The following RBFOX1 variants were observed in gnomAD, a reference collection of about 807,000 sequenced individuals.
The protein encoded by RBFOX1 is RNA binding fox-1 homolog 1, also known as RNA binding protein fox-1 homolog 1.
In RBFOX1, 8 loss-of-function variants were observed where a neutral mutation model predicts 57.7. The observed-to-expected ratio is 0.14, with a 90% CI of 0.08 to 0.25. The LOEUF (loss-of-function observed/expected upper bound fraction) is 0.25. RBFOX1 is among the 10% of genes least tolerant of loss of function. The pLI is 1.00. For synonymous variants in RBFOX1, 326 were observed against 222.4 expected, an observed-to-expected ratio of 1.47 and a Z score of -4.15; for missense variants, 611 against 548.5, an observed-to-expected ratio of 1.11 and a Z score of -1.14.
At position 7,054,825 on chromosome 16, in the gene RBFOX1, A is replaced by G. The variant is rs565715470; in HGVS notation, c.27+2727A>G. Among the ~76,000 whole-genome samples the G allele has an allele frequency of 4.6e-5, 7 of 152,312 alleles. No homozygotes were observed. The East Asian group carries it at 1.2e-3, about 25-fold the overall frequency. Reference sequence around the variant, plus strand: ...GTTATCATGTCGAGGGTCCTTCATTAGTGCATTCTGTTGTCAGAATTCAGG... The same window carrying G: ...GTTATCATGTCGAGGGTCCTTCATTGGTGCATTCTGTTGTCAGAATTCAGG... On this transcript the variant is annotated intron_variant, in intron 4 of 15. Transcript: ENST00000550418.
At chr16:5,816,911 T>A (rs781317404) in intron 3 of RBFOX1, among the ~76,000 whole-genome samples, 1 of 152,240 alleles carries the variant, frequency 6.6e-6, no homozygotes, top group Non-Finnish European at 1.5e-5. Flanking sequence ...ATGGAGTACC[T>A]GAGATGTGTT....
chr16:5,979,029 C>T (rs1352424048), intron 4 of RBFOX1, among the ~76,000 whole-genome samples: 1 of 152,192 alleles, frequency 6.6e-6, no homozygotes, highest in Admixed American at 6.5e-5. Context: ...CTCTCGCCTT[C>T]TCCTCCATTT....
At chr16:7,199,261 T>C (rs577548837) in intron 4 of RBFOX1, among the ~76,000 whole-genome samples, 1 of 152,306 alleles carries the variant, frequency 6.6e-6, no homozygotes, top group South Asian at 2.1e-4. Context: ...TCCTTCAGTG[T>C]GATAATAAAT....
intron 9 of RBFOX1, among the ~76,000 whole-genome samples, chr16:7,606,666 C>T (rs909460650): frequency 3.9e-5 from 6 of 152,154 alleles, no homozygotes; most frequent in African/African-American, 1.4e-4. Flanking sequence ...TTCCATTAAT[C>T]ATATATACAG....
intron 3 of RBFOX1, among the ~76,000 whole-genome samples, chr16:5,790,128 G>C (rs1432010653): frequency 6.6e-6 from 1 of 152,322 alleles, no homozygotes; most frequent in South Asian, 2.1e-4. Context: ...GACCTCCAAG[G>C]GAAAAGAGTG....
chr16:6,612,857 A>AC, intron 2 of RBFOX1, among the ~76,000 whole-genome samples: 1 of 55,066 alleles, frequency 1.8e-5, no homozygotes, highest in Non-Finnish European at 3.8e-5. Flanking sequence ...CTCAAAAAAA[A>AC]AAAAAAAATA....
intron 3 of RBFOX1, among the ~76,000 whole-genome samples, chr16:5,700,349 A>G (rs891989795): frequency 6.6e-6 from 1 of 151,666 alleles, no homozygotes; most frequent in African/African-American, 2.4e-5. Context: ...TTCTATATCT[A>G]AAAATATCTT....
At chr16:6,453,047 C>T (rs2094672733) in intron 2 of RBFOX1, among the ~76,000 whole-genome samples, 1 of 152,100 alleles carries the variant, frequency 6.6e-6, no homozygotes, top group African/African-American at 2.4e-5. Flanking sequence ...CCTCTTATTC[C>T]ACAGGTATGT....
intron 3 of RBFOX1, among the ~76,000 whole-genome samples, chr16:5,765,544 G>A (rs1325835917): frequency 6.6e-6 from 1 of 152,166 alleles, no homozygotes; most frequent in Non-Finnish European, 1.5e-5. Flanking sequence ...TGAATACCTA[G>A]TGCCAGACAC....
At chr16:5,849,829 A>G (rs574427103) in intron 3 of RBFOX1, among the ~76,000 whole-genome samples, 3 of 152,248 alleles carry the variant, frequency 2.0e-5, no homozygotes, top group Admixed American at 6.5e-5. Flanking sequence ...TTTGTTCCCA[A>G]GAAGTATTCT....
chr16:6,710,814 T>A (rs1027471400), intron 3 of RBFOX1, among the ~76,000 whole-genome samples: 3 of 152,340 alleles, frequency 2.0e-5, no homozygotes, highest in Middle Eastern at 3.4e-3. Context: ...AGAGATCCTC[T>A]TCCCCTGTAA....
intron 4 of RBFOX1, among the ~76,000 whole-genome samples, chr16:7,062,296 A>T (rs6500911): frequency 3.7e-5 from 5 of 135,576 alleles, no homozygotes; most frequent in East Asian, 2.2e-4. Context: ...CCAGTCTGAG[A>T]GACAGAGTGA....
Position 7,526,252 on chromosome 16 carries a change from G to A in RBFOX1, c.270+7863G>A, listed in dbSNP as rs568236315. 2.6e-5 allele frequency among the ~76,000 whole-genome samples: 4 copies of A among 152,220 alleles called. 1 individual carries two copies. Among genetic ancestry groups the A allele is most frequent in the African/African-American group, 9.6e-5 (4 of 41,524 alleles). ...TGGAAAAATTGTCTTCCACAAAACT[G>A]GTACCAAAAATTTTGGGGACTGCTG... On this transcript the variant is annotated intron_variant, in intron 5 of 15. Transcript: ENST00000550418.
chr16:7,367,516 T>C (rs905843806), intron 4 of RBFOX1, among the ~76,000 whole-genome samples: 7 of 152,302 alleles, frequency 4.6e-5, no homozygotes, highest in African/African-American at 1.7e-4. Flanking sequence ...TCTGCCTATA[T>C]CATCGTGAAA....
intron 2 of RBFOX1, among the ~76,000 whole-genome samples, chr16:6,491,255 T>G (rs75532771): frequency 0.014 from 2,050 of 151,616 alleles, 45 homozygotes; most frequent in African/African-American, 0.047. Context: ...AAAGAAAGAA[T>G]GGGAAGTTGG....
At chr16:7,681,179 GAGAT>G (rs997503556) in intron 14 of RBFOX1, among the ~76,000 whole-genome samples, 5 of 152,154 alleles carry the variant, frequency 3.3e-5, no homozygotes, top group South Asian at 4.1e-4. Context: ...TTAAGTGACA[GAGAT>G]AGACATATAC....
chr16:5,863,800 C>A (rs1012101146), intron 3 of RBFOX1, among the ~76,000 whole-genome samples: 9 of 152,226 alleles, frequency 5.9e-5, no homozygotes, highest in African/African-American at 2.2e-4. Flanking sequence ...TTACCTTCTA[C>A]TGTGCCCTCA....
chr16:6,543,542 T>C (rs908048726), intron 2 of RBFOX1, among the ~76,000 whole-genome samples: 3 of 152,182 alleles, frequency 2.0e-5, no homozygotes, highest in African/African-American at 7.2e-5. Flanking sequence ...TTGCGCTTTT[T>C]ATACCTTACT....
intron 4 of RBFOX1, among the ~76,000 whole-genome samples, chr16:7,143,801 A>T (rs948685392): frequency 6.6e-6 from 1 of 152,206 alleles, no homozygotes; most frequent in Non-Finnish European, 1.5e-5. Flanking sequence ...CTTACTGTGT[A>T]TACTGCTTAT....
Sources: allele counts gnomAD v4.1 joint callset (sites outside exome capture counted in the v4.1 genomes callset), GRCh38; gene constraint gnomAD v4.1.1; transcripts MANE v1.5; gene names NCBI Gene and HGNC (gene_info 2026-07-23, HGNC 2026-07-21).